The following IGDCC4 variants were observed in gnomAD, a reference collection of about 807,000 sequenced individuals.
The protein encoded by IGDCC4 is likely ortholog of mouse neighbor of Punc E11.
In IGDCC4, 72 loss-of-function variants were observed where a neutral mutation model predicts 116.6. The ratio of observed to expected loss-of-function variants is 0.62; its 90% confidence interval spans 0.51 to 0.75. The LOEUF is 0.75. Ranked by LOEUF, IGDCC4 falls within the 30% of genes least tolerant of loss-of-function variation. IGDCC4 has a pLI of 0.00. For synonymous variants in IGDCC4, 709 were observed against 719.9 expected (o/e 0.98, Z 0.24); for missense variants, 1,501 against 1,662.4 (o/e 0.90, Z 1.69).
chr15:65,392,478 G>A (rs1370193066), intron 10 of IGDCC4, 108 bp from the exon 11 acceptor site: 8 of 847,776 alleles, frequency 9.4e-6, no homozygotes, highest in East Asian at 2.6e-5. Context: ...GAGACAGGAA[G>A]ATGGCATTCA....
Position 65,386,043 on chromosome 15 carries a change from G to T in IGDCC4, c.2968C>A (p.Leu990Met). The T allele has an allele frequency of 6.6e-7, 1 of 1,521,100 alleles. No homozygotes were observed. Among genetic ancestry groups the T allele is most frequent in the South Asian group, 1.3e-5 (1 of 79,226 alleles). 94.2% of individuals were successfully genotyped at this position (1,521,100 alleles called of 1,614,324 possible). A position where few individuals can be genotyped will look rare whatever the true frequency, so the allele number is the denominator to read the frequency against. The change falls in exon 18 of 20, where the codon CTG (leucine) becomes ATG (methionine). Residue 990 changes from leucine (L) to methionine (M), a missense_variant. By Grantham distance (15) the Leu-to-Met change is conservative. This residue lies in a region of IGDCC4 where 368 missense variants were observed against 355.6 expected (regional missense o/e 1.03). Transcript: ENST00000352385. ...TTCCCGGGGGTGGCGGTGGAGGACA[G>T]GCCTGGGAGGGATTCCCTGGAAGGG... ...RSPHRESLPG[L>M]SSTATPGNPA...
chr15:65,402,591 G>A, intron 3 of IGDCC4, 104 bp from the exon 4 acceptor site: 2 of 1,412,292 alleles, frequency 1.4e-6, no homozygotes, highest in Non-Finnish European at 1.9e-6. Flanking sequence ...ATACCAGGCT[G>A]GGCGCAGTGG....
At chr15:65,409,714 C>A (rs1473153848) in intron 3 of IGDCC4, among the ~76,000 whole-genome samples, 1 of 152,218 alleles carries the variant, frequency 6.6e-6, no homozygotes, top group East Asian at 1.9e-4. Context: ...GGGCTACGCC[C>A]CACTGGATGG....
chr15:65,387,236 A>G (rs2091468818), intron 16 of IGDCC4, among the ~76,000 whole-genome samples: 1 of 152,120 alleles, frequency 6.6e-6, no homozygotes, highest in Non-Finnish European at 1.5e-5. Flanking sequence ...CATGTTGTCC[A>G]GGCTGGTCTC....
intron 1 of IGDCC4, among the ~76,000 whole-genome samples, chr15:65,413,509 C>G (rs947845929): frequency 2.6e-5 from 4 of 152,126 alleles, no homozygotes; most frequent in Non-Finnish European, 5.9e-5. Flanking sequence ...AGGGTCAAGG[C>G]AAAAACACAC....
At chr15:65,386,755 G>T in intron 16 of IGDCC4, 99 bp from the exon 17 acceptor site, 1 of 849,606 alleles carries the variant, frequency 1.2e-6, no homozygotes. Flanking sequence ...ACACCAGCTG[G>T]ACCCTCACCC....
chr15:65,394,589 C>T (rs199992352), intron 8 of IGDCC4, 41 bp from the exon 9 acceptor site: 69 of 1,542,980 alleles, frequency 4.5e-5, no homozygotes, highest in South Asian at 3.9e-4. Flanking sequence ...GCTCCACCGA[C>T]GTGGAAGGTG....
chr15:65,404,832 C>G (rs1312391633), intron 3 of IGDCC4, among the ~76,000 whole-genome samples: 1 of 152,128 alleles, frequency 6.6e-6, no homozygotes, highest in East Asian at 1.9e-4. Context: ...AGGAGGATTG[C>G]TTGAGGCCAG....
At chr15:65,420,318 T>C (rs999753880) in intron 1 of IGDCC4, among the ~76,000 whole-genome samples, 1 of 152,172 alleles carries the variant, frequency 6.6e-6, no homozygotes, top group African/African-American at 2.4e-5. Context: ...TTCTATTTCC[T>C]GAAAATCTCT....
chr15:65,403,313 G>T (rs761274223), intron 3 of IGDCC4, among the ~76,000 whole-genome samples: 4 of 152,206 alleles, frequency 2.6e-5, no homozygotes, highest in Non-Finnish European at 5.9e-5. Context: ...GGACATGTAG[G>T]CTTCTGTGCT....
chr15:65,388,690 C>A (rs919207549), intron 15 of IGDCC4, 104 bp from the exon 16 acceptor site: 142 of 1,592,882 alleles, frequency 8.9e-5, no homozygotes, highest in Non-Finnish European at 1.2e-4. Context: ...ACTTAGGCAG[C>A]AGCTTCTGCT....
At chr15:65,408,564 C>T (rs546274815) in intron 3 of IGDCC4, among the ~76,000 whole-genome samples, 1 of 152,284 alleles carries the variant, frequency 6.6e-6, no homozygotes, top group East Asian at 1.9e-4. Context: ...ACAGGATTCT[C>T]GATACAGCAC....
chr15:65,421,918 T>C (rs1049473343), intron 1 of IGDCC4, among the ~76,000 whole-genome samples: 3 of 151,864 alleles, frequency 2.0e-5, no homozygotes, highest in African/African-American at 7.3e-5. Flanking sequence ...CCCCAGCCCT[T>C]TCTCCAGCTT....
rs1191516234 is a variant in IGDCC4 at position 65,388,880 on chromosome 15, C to T, written c.2635G>A (p.Val879Met). The T allele has an allele frequency of 2.4e-5, 38 of 1,613,868 alleles. No homozygotes were observed. Among genetic ancestry groups the T allele is most frequent in the Non-Finnish European group, 3.1e-5 (36 of 1,180,024 alleles). ...CTGCTGTACAGGATCAGATACTCCACGATCTCCCCGTTGGGCTCTGTGGGG... is the reference window on the plus strand; with the variant it reads ...CTGCTGTACAGGATCAGATACTCCATGATCTCCCCGTTGGGCTCTGTGGGG... ...CPPTEPNGEI[V>M]EYLILYSSNH... Residue 879 changes from valine to methionine, a missense_variant, in exon 15 of 20, where the codon GTG (valine) becomes ATG (methionine). By Grantham distance (21) the Val-to-Met change is conservative. This residue lies in a region of IGDCC4 where 235 missense variants were observed against 328.0 expected (regional missense o/e 0.72). Coordinates refer to ENST00000352385, the MANE Select transcript of IGDCC4 (RefSeq NM_020962.3).
chr15:65,385,978 G>A lies in IGDCC4; in HGVS notation c.3033C>T (p.Ser1011=). Residue 1011 remains serine, a synonymous_variant, in exon 18 of 20, where the codon AGC becomes AGT. Coordinates refer to ENST00000352385, the MANE Select transcript of IGDCC4 (RefSeq NM_020962.3). ...LYSRARLGPP[S]PPAAHELESL... is the part of the protein sequence containing the mutation. The stretch of plus-strand genomic sequence containing the variant: ...ACTCCAATTCATGGGCAGCTGGGGG[G>A]CTGGGGGGGCCAAGCCGAGCTCTGG... 3 of 1,595,718 alleles carry A rather than the reference G, an allele frequency of 1.9e-6. No individual in the cohort carries two copies. Among genetic ancestry groups the A allele is most frequent in the Admixed American group, 1.8e-5 (1 of 56,558 alleles).
intron 1 of IGDCC4, among the ~76,000 whole-genome samples, chr15:65,421,849 G>C (rs2063194360): frequency 6.6e-6 from 1 of 151,964 alleles, no homozygotes; most frequent in South Asian, 2.1e-4. Flanking sequence ...GGAAGCGACA[G>C]AGCTGTGGGT....
In IGDCC4 at chr15:65,383,464, C is replaced by G. The variant is rs2091420847; in HGVS notation, c.*545G>C. On this transcript the variant is annotated 3_prime_UTR_variant, in exon 20 of 20. Transcript: ENST00000352385. ...TTGCTCGGAGGGGAGCCAGGGCCAC[C>G]CTCTCTATTTGGGCAATAAGGAGCT... is the stretch of plus-strand genomic sequence containing the variant. 6.6e-6 allele frequency: 1 copy of G among 152,236 alleles called. No homozygotes were observed. The highest frequency in any genetic ancestry group is 1.5e-5 in the Non-Finnish European group (1 of 68,128). 9.4% of individuals were successfully genotyped at this position (152,236 alleles called of 1,614,324 possible).
chr15:65,390,019 T>G, intron 13 of IGDCC4, 136 bp downstream of exon 13: 1 of 754,392 alleles, frequency 1.3e-6, no homozygotes, highest in East Asian at 2.7e-5. Flanking sequence ...CTGTGTGGCC[T>G]CAGCGTAACA....
chr15:65,402,285 C>T, intron 4 of IGDCC4, 66 bp downstream of exon 4: 1 of 1,525,672 alleles, frequency 6.6e-7, no homozygotes, highest in Non-Finnish European at 8.8e-7. Context: ...CCTTGAGGTC[C>T]CTCCCAGCTC....
Sources: allele counts gnomAD v4.1 joint callset (sites outside exome capture counted in the v4.1 genomes callset), GRCh38; gene constraint gnomAD v4.1.1; regional missense constraint gnomAD v4.1.1; transcripts MANE v1.5; gene names NCBI Gene and HGNC (gene_info 2026-07-23, HGNC 2026-07-21).